Variants in NEDD4 observed in about 807,000 individuals in gnomAD.
NEDD4 encodes E3 ubiquitin-protein ligase NEDD4.
Under a neutral mutation model 144.9 loss-of-function variants are expected in NEDD4, and 99 were observed. The ratio of observed to expected loss-of-function variants is 0.68; its 90% CI spans 0.58 to 0.81. The LOEUF is 0.81. NEDD4 is among the 30% of genes least tolerant of loss of function. The probability of loss-of-function intolerance (pLI) is 0.00; values close to 1 mark genes in which losing one functional copy is unlikely to be tolerated. For synonymous variants in NEDD4, 318 were observed against 350.6 expected (o/e 0.91, Z 1.04); for missense variants, 985 against 1,065.9 (o/e 0.92, Z 1.06).
chr15:55,852,300 A>T, intron 13 of NEDD4, 124 bp downstream of exon 13: 1 of 1,192,498 alleles, frequency 8.4e-7, no homozygotes, highest in Non-Finnish European at 1.1e-6. Context: ...CATCTCAAAA[A>T]AATAAAAAAA....
At chr15:55,836,026 C>G (rs777215497) in intron 24 of NEDD4, among the ~76,000 whole-genome samples, 2 of 152,168 alleles carry the variant, frequency 1.3e-5, no homozygotes, top group African/African-American at 2.4e-5. Flanking sequence ...TTCTCTCACC[C>G]AGCATACTCA....
intron 2 of NEDD4, among the ~76,000 whole-genome samples, chr15:55,965,754 T>G (rs1595879855): frequency 6.6e-6 from 1 of 152,124 alleles, no homozygotes. Context: ...CAGGCTAGAG[T>G]GCAGTGGCAC....
intron 2 of NEDD4, among the ~76,000 whole-genome samples, chr15:55,960,045 T>C (rs1181758367): frequency 2.0e-5 from 3 of 152,146 alleles, no homozygotes; most frequent in African/African-American, 7.2e-5. Context: ...TCCAGATAAC[T>C]ACCTTACACA....
chr15:55,935,575 T>C (rs6493826), intron 4 of NEDD4, among the ~76,000 whole-genome samples: 98,019 of 151,774 alleles, frequency 0.65, 31,885 homozygotes, highest in East Asian at 0.75. Context: ...AGGCTGGGCG[T>C]GGTGGCTCAT....
rs1214761865 is a variant in NEDD4 at position 55,887,219 on chromosome 15, A to T, written c.292-13211T>A. ...GACCAACAAAAAGAAGTTGGTTTTT[A>T]AAAAAAGATAAACAAAATTAACAAA... On this transcript the variant is annotated intron_variant, in intron 5 of 28. Transcript: ENST00000435532. Among the ~76,000 whole-genome samples the T allele has an allele frequency of 3.9e-5, 6 of 152,090 alleles. No individual in the cohort carries two copies. In the East Asian group the frequency reaches 7.7e-4, roughly 19 times the overall value.
At chr15:55,927,923 G>A (rs2036705686) in intron 4 of NEDD4, among the ~76,000 whole-genome samples, 1 of 152,172 alleles carries the variant, frequency 6.6e-6, no homozygotes. Flanking sequence ...ATATCTAGCA[G>A]ACACTGCAGA....
chr15:55,952,216 CACA>C (rs539161504), intron 2 of NEDD4, among the ~76,000 whole-genome samples: 45 of 151,432 alleles, frequency 3.0e-4, no homozygotes, highest in Non-Finnish European at 4.6e-4. Flanking sequence ...CACTTTTAGT[CACA>C]ACTACTCGGG....
chr15:55,887,831 T>A (rs1243991414), intron 5 of NEDD4, among the ~76,000 whole-genome samples: 1 of 152,156 alleles, frequency 6.6e-6, no homozygotes, highest in Non-Finnish European at 1.5e-5. Flanking sequence ...GTTCAAGATA[T>A]GCAAATTAAT....
At chr15:55,978,691 C>T (rs1420230295) in intron 1 of NEDD4, among the ~76,000 whole-genome samples, 1 of 152,186 alleles carries the variant, frequency 6.6e-6, no homozygotes, top group Admixed American at 6.5e-5. Context: ...CTCTTCCAAA[C>T]TCATGAGTAA....
At chr15:55,869,730 A>T (rs781239115) in intron 7 of NEDD4, 49 bp from the exon 8 acceptor site, 1 of 1,190,908 alleles carries the variant, frequency 8.4e-7, no homozygotes, top group African/African-American at 1.5e-5. Context: ...CCGGGAGAAA[A>T]GTATTCAATT....
chr15:55,989,282 A>G (rs373473133), intron 1 of NEDD4, among the ~76,000 whole-genome samples: 1 of 152,328 alleles, frequency 6.6e-6, no homozygotes, highest in South Asian at 2.1e-4. Context: ...AAAATACACT[A>G]TATTTATTCA....
At chr15:55,972,020 C>T (rs1047948522) in intron 1 of NEDD4, among the ~76,000 whole-genome samples, 7 of 152,196 alleles carry the variant, frequency 4.6e-5, no homozygotes, top group Admixed American at 6.5e-5. Context: ...ATAGTATATC[C>T]GGTGAAAATA....
chr15:55,967,832 G>A (rs1478299493), intron 1 of NEDD4, among the ~76,000 whole-genome samples: 1 of 151,942 alleles, frequency 6.6e-6, no homozygotes, highest in South Asian at 2.1e-4. Flanking sequence ...ACCAGCATAG[G>A]CAATATAACA....
At chr15:55,917,096 A>T in intron 5 of NEDD4, 1 of 1,194,190 alleles carries the variant, frequency 8.4e-7, no homozygotes, top group Non-Finnish European at 1.0e-6. Flanking sequence ...AAAGCACTTG[A>T]TTTCCAGCGA....
At chr15:55,967,358 G>T (rs1446839081) in intron 1 of NEDD4, among the ~76,000 whole-genome samples, 2 of 151,904 alleles carry the variant, frequency 1.3e-5, no homozygotes, top group East Asian at 1.9e-4. Context: ...GACACATATT[G>T]AAGTGCTTAG....
At chr15:55,968,252 C>T (rs66530465) in intron 1 of NEDD4, among the ~76,000 whole-genome samples, 22,585 of 151,746 alleles carry the variant, frequency 0.15, 1,824 homozygotes, top group East Asian at 0.32. Flanking sequence ...TATACTAAAA[C>T]ATAAAACCAA....
At chr15:55,993,485 GC>G in intron 1 of NEDD4, 25 bp downstream of exon 1, 4 of 1,592,974 alleles carry the variant, frequency 2.5e-6, no homozygotes, top group Non-Finnish European at 3.4e-6. Context: ...AGGGAAGCCC[GC>G]CCCGCAGCCC....
At chr15:55,938,175 G>A (rs55926597) in intron 4 of NEDD4, among the ~76,000 whole-genome samples, 20,439 of 151,880 alleles carry the variant, frequency 0.13, 1,496 homozygotes, top group East Asian at 0.32. Flanking sequence ...CCTGGCCAAC[G>A]TAGTGAAACC....
intron 18 of NEDD4, 106 bp from the exon 19 acceptor site, chr15:55,842,269 C>T (rs569104863): frequency 2.3e-5 from 21 of 907,882 alleles, no homozygotes; most frequent in Middle Eastern, 5.6e-4. Context: ...GTCCAAGTCT[C>T]TTTTTCCTTA....
Sources: allele counts gnomAD v4.1 joint callset (sites outside exome capture counted in the v4.1 genomes callset), GRCh38; gene constraint gnomAD v4.1.1; transcripts MANE v1.5; gene names NCBI Gene and HGNC (gene_info 2026-07-23, HGNC 2026-07-21).